EYA2: variants seen among roughly 807,000 people sequenced by gnomAD.
EYA2 encodes the protein protein phosphatase EYA2.
In EYA2, 31 loss-of-function variants were observed where a neutral mutation model predicts 69.2. The observed-to-expected ratio is 0.45, with a 90% CI of 0.34 to 0.60. EYA2 has a LOEUF of 0.60. EYA2 is among the 20% of genes least tolerant of loss of function. The pLI is 0.02. For missense variants in EYA2, 622 were observed against 701.2 expected (o/e 0.89, Z 1.28); for synonymous variants, 257 against 279.4 (o/e 0.92, Z 0.80).
chr20:46,978,551 A>G, intron 1 of EYA2: 1 of 534,762 alleles, frequency 1.9e-6, no homozygotes. Flanking sequence ...TTGGACAAGG[A>G]GAAGCCAGAT....
intron 1 of EYA2, among the ~76,000 whole-genome samples, chr20:46,952,759 G>A (rs1268130741): frequency 6.6e-6 from 1 of 152,024 alleles, no homozygotes; most frequent in African/African-American, 2.4e-5. Context: ...CCCGGGGCAG[G>A]GGTTGCCCAC....
chr20:46,908,126 T>C (rs992006888), intron 1 of EYA2, among the ~76,000 whole-genome samples: 1 of 152,170 alleles, frequency 6.6e-6, no homozygotes, highest in African/African-American at 2.4e-5. Context: ...CAAAAATATG[T>C]ATTGAGCACC....
chr20:46,959,554 G>A (rs1209384304), intron 1 of EYA2, among the ~76,000 whole-genome samples: 2 of 152,076 alleles, frequency 1.3e-5, no homozygotes, highest in East Asian at 1.9e-4. Flanking sequence ...TTCCATTCCC[G>A]CCTCCCACGG....
intron 7 of EYA2, among the ~76,000 whole-genome samples, chr20:47,087,151 A>G (rs2031921200): frequency 1.3e-5 from 2 of 152,312 alleles, no homozygotes; most frequent in Admixed American, 1.3e-4. Context: ...GTCTTGTCTT[A>G]TTATGTCCTT....
intron 15 of EYA2, among the ~76,000 whole-genome samples, chr20:47,183,757 C>T (rs1600780970): frequency 1.3e-5 from 2 of 152,124 alleles, no homozygotes; most frequent in African/African-American, 2.4e-5. Context: ...TTAATAAAGA[C>T]AGCATTAAGC....
At chr20:47,000,125 T>C (rs911091282) in intron 2 of EYA2, among the ~76,000 whole-genome samples, 2 of 152,206 alleles carry the variant, frequency 1.3e-5, no homozygotes, top group Admixed American at 1.3e-4. Context: ...CCTACAGCTG[T>C]TCATCTGAGG....
intron 5 of EYA2, among the ~76,000 whole-genome samples, chr20:47,061,883 C>T (rs1052104305): frequency 6.6e-6 from 1 of 152,120 alleles, no homozygotes; most frequent in Non-Finnish European, 1.5e-5. Flanking sequence ...TTCTTCCCCA[C>T]AGAGCTGAGA....
chr20:47,071,377 A>G (rs1203882631), intron 5 of EYA2, among the ~76,000 whole-genome samples: 3 of 152,186 alleles, frequency 2.0e-5, no homozygotes, highest in African/African-American at 7.2e-5. Context: ...GCCATAATCA[A>G]GAAGACTGAA....
chr20:46,971,365 C>T (rs998310629), intron 1 of EYA2, among the ~76,000 whole-genome samples: 9 of 152,166 alleles, frequency 5.9e-5, no homozygotes, highest in African/African-American at 2.2e-4. Flanking sequence ...CCTCATTGTC[C>T]AAGATGGCAC....
chr20:46,978,188 G>A (rs1400967067), intron 1 of EYA2: 5 of 179,158 alleles, frequency 2.8e-5, no homozygotes, highest in South Asian at 1.3e-4. Flanking sequence ...ACTGTAGACC[G>A]AGGAATGGGA....
chr20:46,917,492 T>G (rs1437875125), intron 1 of EYA2, among the ~76,000 whole-genome samples: 1 of 152,238 alleles, frequency 6.6e-6, no homozygotes, highest in Admixed American at 6.5e-5. Flanking sequence ...TCAGACAGAC[T>G]ATGACCACTG....
intron 1 of EYA2, among the ~76,000 whole-genome samples, chr20:46,959,656 G>A (rs1012978977): frequency 7.9e-5 from 12 of 152,076 alleles, no homozygotes; most frequent in South Asian, 4.2e-4. Context: ...GCACACGCAC[G>A]CACACGCACG....
chr20:47,182,346 G>A (rs62201431), intron 14 of EYA2, among the ~76,000 whole-genome samples: 58,498 of 149,798 alleles, frequency 0.39, 11,967 homozygotes, highest in Non-Finnish European at 0.46. Flanking sequence ...GGTTAAGATG[G>A]GTCAGGCGCG....
rs1423609437 is a variant in EYA2 at position 47,022,581 on chromosome 20, T to C, written c.415+6284T>C. On this transcript the variant is annotated intron_variant, in intron 5 of 15. Transcript: ENST00000327619. ...CGCCCACCTCAGCCCCCCAGAGTGC[T>C]GGGATTACAGGCATGAGCCACTGTG... Among the ~76,000 whole-genome samples the C allele has an allele frequency of 6.6e-5, 10 of 151,152 alleles. No homozygotes were observed. In the East Asian group the frequency reaches 1.9e-3, roughly 29 times the overall value.
chr20:47,013,412 TTGTC>T (rs1438928022), intron 4 of EYA2, among the ~76,000 whole-genome samples: 8 of 152,238 alleles, frequency 5.3e-5, no homozygotes, highest in Non-Finnish European at 1.0e-4. Flanking sequence ...TGGTTGCAGT[TTGTC>T]TGTATCATCT....
chr20:47,130,267 T>C (rs1020424287), intron 9 of EYA2, among the ~76,000 whole-genome samples: 3 of 118,776 alleles, frequency 2.5e-5, no homozygotes, highest in Non-Finnish European at 3.4e-5. Flanking sequence ...TTTTCTTTTT[T>C]TTTTTTTTTT....
chr20:46,900,843 A>G (rs960608930), intron 1 of EYA2, among the ~76,000 whole-genome samples: 2 of 152,216 alleles, frequency 1.3e-5, no homozygotes, highest in African/African-American at 4.8e-5. Context: ...TTCTTGACCC[A>G]AAATGAGAAA....
chr20:47,021,827 C>T (rs1041498747), intron 5 of EYA2, among the ~76,000 whole-genome samples: 10 of 151,920 alleles, frequency 6.6e-5, no homozygotes, highest in African/African-American at 2.4e-4. Context: ...ACTCAGTGAT[C>T]TCAGCTCGAG....
chr20:47,178,388 A>G (rs2034465495), intron 12 of EYA2, among the ~76,000 whole-genome samples: 1 of 151,666 alleles, frequency 6.6e-6, no homozygotes, highest in African/African-American at 2.4e-5. Context: ...GGATTTAGCC[A>G]GGCAAAAGCA....
Sources: allele counts gnomAD v4.1 joint callset (sites outside exome capture counted in the v4.1 genomes callset), GRCh38; gene constraint gnomAD v4.1.1; transcripts MANE v1.5; gene names NCBI Gene and HGNC (gene_info 2026-07-23, HGNC 2026-07-21).